The following CARMIL1 variants were observed in gnomAD, a reference collection of about 807,000 sequenced individuals.
CARMIL1 encodes F-actin-uncapping protein LRRC16A.
CARMIL1 carries 90 observed loss-of-function variants against 177.1 expected under a neutral mutation model. The observed-to-expected ratio is 0.51, with a 90% CI of 0.43 to 0.61. The LOEUF (loss-of-function observed/expected upper bound fraction) is 0.61, where lower values mean the gene tolerates loss of function less well. Ranked by LOEUF, CARMIL1 falls within the 20% of genes least tolerant of loss-of-function variation. The pLI, the probability that CARMIL1 is intolerant of heterozygous loss-of-function variation, is 0.00. For synonymous variants in CARMIL1, 577 were observed against 606.2 expected (o/e 0.95, Z 0.71); for missense variants, 1,380 against 1,667.0 (o/e 0.83, Z 3.00).
chr6:25,605,998 T>C, intron 34 of CARMIL1, 63 bp from the exon 35 acceptor site: 1 of 1,187,834 alleles, frequency 8.4e-7, no homozygotes, highest in South Asian at 1.5e-5. Context: ...TGTACCAGAC[T>C]TCTAGCTTCA....
At position 25,581,358 on chromosome 6, in the gene CARMIL1, C is replaced by G. The variant is rs1186928857; in HGVS notation, c.2925C>G (p.Pro975=). 1.9e-6 allele frequency: 3 copies of G among 1,613,748 alleles called. No individual in the cohort carries two copies. In the South Asian group the frequency reaches 3.3e-5, roughly 18 times the overall value. ...KRSSGFISEL[P]SEEGKKLEHF... ...GCTCGGGATTTATCTCTGAGTTGCC[C>G]TCTGAAGAGGGGAAGAAGCTGGAAC... The change falls in exon 31 of 37, where the codon CCC becomes CCG. Residue 975 remains proline, a synonymous_variant. Transcript: ENST00000329474.
chr6:25,484,027 G>A (rs2150976555), intron 12 of CARMIL1, among the ~76,000 whole-genome samples: 1 of 152,218 alleles, frequency 6.6e-6, no homozygotes, highest in Admixed American at 6.5e-5. Flanking sequence ...CAAAGTGCTG[G>A]GATTACATGC....
chr6:25,430,034 T>A (rs937827751), intron 4 of CARMIL1, among the ~76,000 whole-genome samples: 2 of 151,864 alleles, frequency 1.3e-5, no homozygotes. Context: ...TTAGTAGATA[T>A]GGGGTTTCAC....
At chr6:25,585,292 G>A (rs533015561) in intron 31 of CARMIL1, among the ~76,000 whole-genome samples, 10 of 152,100 alleles carry the variant, frequency 6.6e-5, no homozygotes, top group East Asian at 1.9e-4. Flanking sequence ...AACAATTATC[G>A]TTGTTTTTCT....
At chr6:25,368,763 G>A (rs1241606985) in intron 2 of CARMIL1, among the ~76,000 whole-genome samples, 4 of 152,080 alleles carry the variant, frequency 2.6e-5, no homozygotes, top group Non-Finnish European at 5.9e-5. Flanking sequence ...GATTTTACAT[G>A]TCTACACTCT....
rs748972436 is a variant in CARMIL1, at chr6:25,539,931, T to G, written c.2197-16T>G. On this transcript the variant is annotated splice_polypyrimidine_tract_variant and intron_variant, in intron 25 of 36. Coordinates refer to ENST00000329474, the MANE Select transcript of CARMIL1 (RefSeq NM_017640.6). ...TTACCCAATTCTAAAGAGGTTATTT[T>G]TTATTTCTCTTACAGTTGTTACCAA... 3.1e-5 allele frequency: 48 copies of G among 1,544,034 alleles called. No individual in the cohort carries two copies. In the Admixed American group the frequency reaches 1.0e-3, roughly 33 times the overall value.
Position 25,510,795 on chromosome 6 carries a change from TTC to T in CARMIL1, c.1632+35_1632+36del, listed in dbSNP as rs376199692. 4.1e-5 allele frequency: 53 copies of T among 1,294,502 alleles called. No homozygotes were observed. In the African/African-American group the frequency reaches 7.0e-4, roughly 17 times the overall value. The allele number at this position is 1,294,502 out of a possible 1,614,324, so 80.2% of individuals were successfully genotyped here. On this transcript the variant is annotated intron_variant, in intron 20 of 36. Transcript: ENST00000329474. The stretch of plus-strand genomic sequence containing the variant: ...TTATGTTAAACTTTTTACTAAAATC[TTC>T]TGTTTGTTGCCATTCTTACTGATTA...
chr6:25,619,374 T>G, intron 36 of CARMIL1, 73 bp from the exon 37 acceptor site: 1 of 1,479,750 alleles, frequency 6.8e-7, no homozygotes, highest in Non-Finnish European at 9.1e-7. Flanking sequence ...GGCTACTGCA[T>G]CTCAGCCCAT....
chr6:25,572,027 T>C (rs565727499), intron 29 of CARMIL1, among the ~76,000 whole-genome samples: 3 of 152,278 alleles, frequency 2.0e-5, no homozygotes, highest in African/African-American at 7.2e-5. Flanking sequence ...ATATGGACTA[T>C]AGTGTGTATG....
intron 2 of CARMIL1, among the ~76,000 whole-genome samples, chr6:25,385,590 G>C (rs1792069692): frequency 6.6e-6 from 1 of 152,184 alleles, no homozygotes; most frequent in South Asian, 2.1e-4. Flanking sequence ...ATAAATAGTA[G>C]TAGCTTTTTT....
chr6:25,365,155 C>T (rs768952914), intron 2 of CARMIL1, among the ~76,000 whole-genome samples: 5 of 152,090 alleles, frequency 3.3e-5, no homozygotes, highest in Non-Finnish European at 7.4e-5. Flanking sequence ...ATATTTTTTC[C>T]GTCCAGCTCT....
At position 25,619,468 on chromosome 6, in the gene CARMIL1, A is replaced by T; in HGVS notation, c.4001A>T (p.Gln1334Leu). The T allele has an allele frequency of 6.2e-7, 1 of 1,613,018 alleles. No individual in the cohort carries two copies. Among genetic ancestry groups the T allele is most frequent in the Non-Finnish European group, 8.5e-7 (1 of 1,179,544 alleles). The change falls in exon 37 of 37, where the codon CAG (glutamine) becomes CTG (leucine). Residue 1334 changes from glutamine (Q) to leucine (L), a missense_variant. Gln to Leu is a moderately radical substitution (Grantham distance 113). Coordinates refer to ENST00000329474, the MANE Select transcript of CARMIL1 (RefSeq NM_017640.6). ...TCAGTTTCAAGGAGAAGCTGGGGCCAGCAGGCCCAGGAGTATCAAGAACAA... is the reference window on the plus strand; with the variant it reads ...TCAGTTTCAAGGAGAAGCTGGGGCCTGCAGGCCCAGGAGTATCAAGAACAA... ...SQEVSRRSWG[Q>L]QAQEYQEQKQ...
At chr6:25,341,952 T>TG (rs1224975458) in intron 2 of CARMIL1, among the ~76,000 whole-genome samples, 3 of 152,186 alleles carry the variant, frequency 2.0e-5, no homozygotes, top group Non-Finnish European at 4.4e-5. Context: ...AGGTGCACTT[T>TG]GGTGCGGAAA....
intron 2 of CARMIL1, among the ~76,000 whole-genome samples, chr6:25,337,994 C>T (rs1786452644): frequency 2.0e-5 from 3 of 152,154 alleles, no homozygotes; most frequent in Admixed American, 2.0e-4. Context: ...CCCTATCTTC[C>T]CCCTTCTTCC....
chr6:25,330,496 T>C (rs978098169), intron 2 of CARMIL1, among the ~76,000 whole-genome samples: 1 of 152,168 alleles, frequency 6.6e-6, no homozygotes, highest in Non-Finnish European at 1.5e-5. Flanking sequence ...AACTGGAGGC[T>C]GGGAGACCAG....
At chr6:25,395,160 C>T (rs1271206048) in intron 2 of CARMIL1, among the ~76,000 whole-genome samples, 2 of 152,170 alleles carry the variant, frequency 1.3e-5, no homozygotes, top group African/African-American at 4.8e-5. Flanking sequence ...TCATTGTAAG[C>T]ATGGACATAT....
chr6:25,395,133 C>T (rs1479004538), intron 2 of CARMIL1, among the ~76,000 whole-genome samples: 2 of 152,150 alleles, frequency 1.3e-5, no homozygotes, highest in South Asian at 2.1e-4. Context: ...ACTAGGAGCT[C>T]GCTGAATTGG....
intron 10 of CARMIL1, 73 bp downstream of exon 10, chr6:25,471,330 AGT>A: frequency 9.9e-7 from 1 of 1,007,998 alleles, no homozygotes; most frequent in Non-Finnish European, 1.4e-6. Context: ...ATTAATTCAT[AGT>A]TTTTTTTTTT....
intron 35 of CARMIL1, 39 bp downstream of exon 35, chr6:25,606,312 G>A: frequency 6.3e-7 from 1 of 1,586,740 alleles, no homozygotes; most frequent in East Asian, 2.3e-5. Context: ...TTGTGACCAG[G>A]TGGCTTCCCA....
Sources: gnomAD v4.1 joint callset for allele counts (sites outside exome capture counted in the v4.1 genomes callset) on GRCh38, gnomAD v4.1.1 for gene constraint, MANE v1.5 for transcripts, NCBI Gene and HGNC (gene_info 2026-07-23, HGNC 2026-07-21) for gene names.